HECW1: variants seen among roughly 807,000 people sequenced by gnomAD.
HECW1 encodes the protein E3 ubiquitin-protein ligase HECW1.
HECW1 carries 61 observed loss-of-function variants against 182.3 expected under a neutral mutation model. That is an observed-to-expected ratio of 0.33 (90% CI 0.27 to 0.41). The LOEUF is 0.41. Among genes scored for constraint, HECW1 ranks in the 10% least tolerant of loss-of-function variants. The probability of loss-of-function intolerance (pLI) is 1.00; values close to 1 mark genes in which losing one functional copy is unlikely to be tolerated. For missense variants in HECW1, 1,739 were observed against 2,108.9 expected (o/e 0.82, Z 3.44); for synonymous variants, 859 against 832.6 (o/e 1.03, Z -0.55).
intron 3 of HECW1, among the ~76,000 whole-genome samples, chr7:43,285,873 C>A (rs188570876): frequency 9.2e-5 from 14 of 152,308 alleles, no homozygotes; most frequent in Non-Finnish European, 1.5e-5. Flanking sequence ...AGCAAGCTAA[C>A]TCTTTTTAAT....
chr7:43,369,315 G>A (rs888545240), intron 6 of HECW1, among the ~76,000 whole-genome samples: 7 of 152,066 alleles, frequency 4.6e-5, no homozygotes, highest in African/African-American at 7.2e-5. Context: ...AAAATTTGCC[G>A]GGTGTGGTGG....
intron 8 of HECW1, among the ~76,000 whole-genome samples, chr7:43,436,642 G>T (rs1358077286): frequency 1.3e-5 from 2 of 152,138 alleles, no homozygotes; most frequent in South Asian, 2.1e-4. Context: ...GTTAAGGCAG[G>T]AACAGGCCAT....
intron 2 of HECW1, among the ~76,000 whole-genome samples, chr7:43,227,783 A>T (rs1430690841): frequency 6.6e-6 from 1 of 152,240 alleles, no homozygotes. Context: ...AAGCTACCAT[A>T]ATGAACAAAA....
At chr7:43,277,175 C>T (rs1803268650) in intron 3 of HECW1, among the ~76,000 whole-genome samples, 1 of 152,088 alleles carries the variant, frequency 6.6e-6, no homozygotes, top group South Asian at 2.1e-4. Flanking sequence ...AACAAACCTC[C>T]CTTATCTCCT....
rs779334014 is a variant in HECW1 at position 43,445,199 on chromosome 7, C to A, written c.2027C>A (p.Ser676Tyr). ...CACAGTTGCGAGGGCTGTGACGCGT[C>A]CTGCTGCAGCCCCTCGTGCTACAGC... ...GDHSCEGCDASCCSPSCYSSS... is the reference protein window; with the variant it reads ...GDHSCEGCDAYCCSPSCYSSS... Residue 676 changes from serine (S) to tyrosine (Y), a missense_variant, in exon 11 of 30, where the codon TCC becomes TAC. Ser to Tyr is a moderately radical substitution (Grantham distance 144). This residue lies in a region of HECW1 where 971 missense variants were observed against 1,029.1 expected (regional missense o/e 0.94). Transcript: ENST00000395891. 6.2e-7 allele frequency: 1 copy of A among 1,613,170 alleles called. No homozygotes were observed. Among genetic ancestry groups the A allele is most frequent in the East Asian group, 2.2e-5 (1 of 44,870 alleles).
chr7:43,308,127 T>C (rs1466862826), intron 3 of HECW1, among the ~76,000 whole-genome samples: 2 of 104,398 alleles, frequency 1.9e-5, no homozygotes, highest in East Asian at 4.5e-4. Flanking sequence ...ATAATATATT[T>C]ATATATAATA....
intron 5 of HECW1, among the ~76,000 whole-genome samples, chr7:43,328,027 C>T (rs547041937): frequency 4.9e-4 from 73 of 149,786 alleles, no homozygotes; most frequent in Non-Finnish European, 6.2e-4. Flanking sequence ...CATGATAAAA[C>T]GGATTTGGGG....
At chr7:43,527,623 G>T (rs922227596) in intron 24 of HECW1, among the ~76,000 whole-genome samples, 6 of 152,066 alleles carry the variant, frequency 3.9e-5, no homozygotes, top group African/African-American at 1.5e-4. Context: ...ATAACATCAC[G>T]TTCACAGGTT....
chr7:43,408,254 A>G lies in HECW1; in HGVS notation c.801+523A>G, dbSNP rs541420967. ...ATAATGAAGCCTAATGGTTTATCCT[A>G]TCTTCATGATTTGCAAAGGGCTGGG... is the stretch of plus-strand genomic sequence containing the variant. On this transcript the variant is annotated intron_variant, in intron 8 of 29. Transcript: ENST00000395891. Among the ~76,000 whole-genome samples, 6 of 152,282 alleles carry G rather than the reference A, an allele frequency of 3.9e-5. No homozygotes were observed. In the South Asian group the frequency reaches 1.0e-3, roughly 26 times the overall value.
chr7:43,227,727 A>G (rs995130470), intron 2 of HECW1, among the ~76,000 whole-genome samples: 6 of 152,236 alleles, frequency 3.9e-5, no homozygotes, highest in African/African-American at 1.4e-4. Flanking sequence ...ACATTTCAAG[A>G]GGGCAAAGAA....
At chr7:43,225,710 T>C (rs1797364145) in intron 2 of HECW1, among the ~76,000 whole-genome samples, 1 of 152,088 alleles carries the variant, frequency 6.6e-6, no homozygotes, top group Admixed American at 6.5e-5. Context: ...AAACCATGAA[T>C]AATGATAGAA....
At chr7:43,464,603 G>A (rs1230801597) in intron 14 of HECW1, among the ~76,000 whole-genome samples, 1 of 152,050 alleles carries the variant, frequency 6.6e-6, no homozygotes, top group Non-Finnish European at 1.5e-5. Context: ...CCAAAAGAAG[G>A]CTTAGAGAAC....
chr7:43,472,597 A>C (rs1446807205), intron 16 of HECW1, among the ~76,000 whole-genome samples: 1 of 151,594 alleles, frequency 6.6e-6, no homozygotes, highest in Admixed American at 6.6e-5. Context: ...AATTATATTA[A>C]ATAAATATTA....
chr7:43,194,100 C>A (rs1395201716), intron 2 of HECW1, among the ~76,000 whole-genome samples: 2 of 152,042 alleles, frequency 1.3e-5, no homozygotes, highest in African/African-American at 4.8e-5. Context: ...TAATGCTGGT[C>A]AGTGGTGCCT....
intron 24 of HECW1, among the ~76,000 whole-genome samples, chr7:43,516,677 C>T (rs1028424738): frequency 6.6e-6 from 1 of 152,188 alleles, no homozygotes; most frequent in Non-Finnish European, 1.5e-5. Context: ...GTCTTAAGTA[C>T]AGTCATGTGT....
At chr7:43,378,863 A>C (rs2074431013) in intron 6 of HECW1, among the ~76,000 whole-genome samples, 2 of 152,160 alleles carry the variant, frequency 1.3e-5, no homozygotes, top group Admixed American at 1.3e-4. Context: ...GAGCAGCAGG[A>C]ATGATGGTGA....
At chr7:43,163,101 G>C (rs1254599086) in intron 2 of HECW1, 1 of 152,198 alleles carries the variant, frequency 6.6e-6, no homozygotes, top group Admixed American at 6.5e-5. Flanking sequence ...AGTTGACCAG[G>C]AGCACACAGC....
At chr7:43,379,846 A>G (rs1009097558) in intron 6 of HECW1, among the ~76,000 whole-genome samples, 10 of 152,188 alleles carry the variant, frequency 6.6e-5, no homozygotes, top group African/African-American at 2.4e-4. Flanking sequence ...ATTTTCATTC[A>G]TGGTGCTCGT....
intron 8 of HECW1, among the ~76,000 whole-genome samples, chr7:43,421,353 G>T (rs1281432411): frequency 1.3e-5 from 2 of 152,038 alleles, no homozygotes; most frequent in African/African-American, 4.8e-5. Context: ...AAGAAAACAA[G>T]TAAGAATACT....
Sources: allele counts gnomAD v4.1 joint callset (sites outside exome capture counted in the v4.1 genomes callset), GRCh38; gene constraint gnomAD v4.1.1; regional missense constraint gnomAD v4.1.1; transcripts MANE v1.5; gene names NCBI Gene and HGNC (gene_info 2026-07-23, HGNC 2026-07-21).